Variants in CHID1 observed in about 807,000 individuals in gnomAD.
The protein encoded by CHID1 is chitinase domain containing 1.
In CHID1, 44 loss-of-function variants were observed where a neutral mutation model predicts 55.4. The observed-to-expected ratio is 0.79, with a 90% CI of 0.62 to 1.02. The LOEUF (loss-of-function observed/expected upper bound fraction) is 1.02, where lower values mean the gene tolerates loss of function less well. CHID1 is among the 50% of genes least tolerant of loss of function. The pLI is 0.00. For missense variants in CHID1, 491 were observed against 515.3 expected (o/e 0.95, Z 0.46); for synonymous variants, 216 against 212.9 (o/e 1.01, Z -0.13).
intron 7 of CHID1, among the ~76,000 whole-genome samples, chr11:896,884 A>T (rs1031954554): frequency 9.7e-6 from 1 of 103,170 alleles, no homozygotes; most frequent in Non-Finnish European, 2.0e-5. Context: ...CCCAGACACG[A>T]GCCTGTCTCA....
At chr11:897,762 T>TG (rs1851485917) in intron 7 of CHID1, among the ~76,000 whole-genome samples, 1 of 152,000 alleles carries the variant, frequency 6.6e-6, no homozygotes, top group South Asian at 2.1e-4. Flanking sequence ...ACACATCCGG[T>TG]GGGGGGCACA....
chr11:869,660 G>A lies in CHID1; in HGVS notation c.*198C>T, dbSNP rs1165876529. ...GGGTGGGAGGGGCTCGAGCTCTCAG[G>A]GTGTCCCCCAGCTAGGACTCATCCA... On this transcript the variant is annotated 3_prime_UTR_variant, in exon 13 of 13. Coordinates refer to ENST00000323578, the MANE Select transcript of CHID1 (RefSeq NM_023947.4). The A allele has an allele frequency of 1.2e-5, 7 of 600,226 alleles. No individual in the cohort carries two copies. The East Asian group carries it at 2.0e-4, about 17-fold the overall frequency. The allele number at this position is 600,226 out of a possible 1,614,324, so 37.2% of individuals were successfully genotyped here.
In CHID1 at chr11:869,248, A is replaced by G. The variant is rs1849014760; in HGVS notation, c.*610T>C. ...CAGAGCTGAGCCAAGGTCCAGGACCAGTTTCAAGAGGGTGGGCCAGGCTCC... is the reference window on the plus strand; with the variant it reads ...CAGAGCTGAGCCAAGGTCCAGGACCGGTTTCAAGAGGGTGGGCCAGGCTCC... On this transcript the variant is annotated 3_prime_UTR_variant, in exon 13 of 13. Transcript: ENST00000323578. 6.5e-6 allele frequency: 1 copy of G among 153,722 alleles called. No homozygotes were observed. The highest frequency in any genetic ancestry group is 1.4e-5 in the Non-Finnish European group (1 of 69,340). 9.5% of individuals were successfully genotyped at this position (153,722 alleles called of 1,614,324 possible). A position where few individuals can be genotyped will look rare whatever the true frequency, so the allele number is the denominator to read the frequency against.
intron 8 of CHID1, among the ~76,000 whole-genome samples, chr11:886,117 C>T (rs1850373132): frequency 1.4e-5 from 2 of 142,580 alleles, no homozygotes; most frequent in African/African-American, 2.6e-5. Flanking sequence ...TGCCACTGCA[C>T]TCCAGCCTGG....
Position 884,084 on chromosome 11 carries a change from A to G in CHID1, c.787T>C (p.Tyr263His), listed in dbSNP as rs1295292498. ...CACACTCACTGATGCGCTGTAGAGT[A>G]GTCGTAGGTCATGAGGCTGAAACCA... ...LDGFSLMTYD[Y>H]STAHQPGPNA... is the part of the protein sequence containing the mutation. Residue 263 changes from tyrosine (Y) to histidine (H), a missense_variant, in exon 9 of 13, where the codon TAC (tyrosine) becomes CAC (histidine). Tyr to His is a moderately conservative substitution (Grantham distance 83, BLOSUM62 2). Transcript: ENST00000323578. 6.2e-7 allele frequency: 1 copy of G among 1,613,876 alleles called. No homozygotes were observed. Among genetic ancestry groups the G allele is most frequent in the Non-Finnish European group, 8.5e-7 (1 of 1,179,738 alleles).
chr11:903,270 A>T (rs1851957327), intron 2 of CHID1, among the ~76,000 whole-genome samples, 159 bp from the exon 3 acceptor site: 1 of 152,244 alleles, frequency 6.6e-6, no homozygotes, highest in South Asian at 2.1e-4. Context: ...GATCGAGGCC[A>T]CAGCAGGCAA....
chr11:900,256 C>A (rs1040446585), intron 5 of CHID1, 146 bp from the exon 6 acceptor site: 15 of 645,400 alleles, frequency 2.3e-5, no homozygotes, highest in Admixed American at 1.7e-4. Context: ...CCTGGAGCAC[C>A]CACATGTCCA....
At chr11:913,560 C>T (rs1444452719), upstream of CHID1, among the ~76,000 whole-genome samples, 2 of 151,930 alleles carry the variant, frequency 1.3e-5, no homozygotes, top group Admixed American at 6.6e-5. Flanking sequence ...ATTGCCTGAG[C>T]TCAGGAGTTC....
chr11:904,974 G>T, intron 1 of CHID1, 115 bp from the exon 2 acceptor site: 1 of 1,172,152 alleles, frequency 8.5e-7, no homozygotes, highest in Non-Finnish European at 1.2e-6. Context: ...CATGGCACTG[G>T]ATGGACCCTT....
At chr11:893,597 A>C (rs1851015960) in intron 7 of CHID1, 78 bp from the exon 8 acceptor site, 1 of 1,203,990 alleles carries the variant, frequency 8.3e-7, no homozygotes, top group African/African-American at 1.5e-5. Flanking sequence ...CCGCTGCCTC[A>C]GGGAGGGGTG....
chr11:898,377 A>C (rs1436138085), intron 7 of CHID1, among the ~76,000 whole-genome samples: 1 of 152,120 alleles, frequency 6.6e-6, no homozygotes. Flanking sequence ...CCGATTCCAG[A>C]ACCCACGGCT....
chr11:912,865 A>G (rs1852778532), upstream of CHID1, among the ~76,000 whole-genome samples: 1 of 151,974 alleles, frequency 6.6e-6, no homozygotes, highest in Admixed American at 6.6e-5. Flanking sequence ...AAAGAAAAAG[A>G]AAACTGACTT....
chr11:882,241 C>G (rs1177065327), intron 10 of CHID1: 1 of 152,208 alleles, frequency 6.6e-6, no homozygotes, highest in Admixed American at 6.5e-5. Context: ...AGGAGAATGG[C>G]GTGAACCCGG....
chr11:870,346 T>G, intron 11 of CHID1, 73 bp downstream of exon 11: 12 of 1,387,726 alleles, frequency 8.6e-6, no homozygotes, highest in Non-Finnish European at 1.2e-5. Flanking sequence ...GCCCTGCTGC[T>G]CCCTCATCTC....
At chr11:880,544 G>C (rs1849840042) in intron 10 of CHID1, among the ~76,000 whole-genome samples, 1 of 152,210 alleles carries the variant, frequency 6.6e-6, no homozygotes, top group Admixed American at 6.5e-5. Context: ...CTGCCATGGA[G>C]GGGCTCACGG....
chr11:870,347 C>T, intron 11 of CHID1, 72 bp downstream of exon 11: 1 of 1,389,266 alleles, frequency 7.2e-7, no homozygotes, highest in Non-Finnish European at 1.0e-6. Context: ...CCCTGCTGCT[C>T]CCTCATCTCC....
intron 8 of CHID1, among the ~76,000 whole-genome samples, chr11:893,173 T>G (rs1850966719): frequency 6.6e-6 from 1 of 152,290 alleles, no homozygotes; most frequent in African/African-American, 2.4e-5. Context: ...CTGGCCTCTG[T>G]GACTCCCCAA....
intron 8 of CHID1, among the ~76,000 whole-genome samples, chr11:886,143 T>G (rs1589847884): frequency 1.4e-5 from 1 of 69,934 alleles, no homozygotes; most frequent in Admixed American, 2.0e-4. Flanking sequence ...AAAGCAAGAC[T>G]CCGTCTCAAA....
intron 7 of CHID1, among the ~76,000 whole-genome samples, chr11:896,017 C>T (rs1161062433): frequency 6.6e-6 from 1 of 152,056 alleles, no homozygotes; most frequent in Non-Finnish European, 1.5e-5. Flanking sequence ...CTACTGCCTC[C>T]TGCCCTCCCA....
Sources: gnomAD v4.1 joint callset for allele counts (sites outside exome capture counted in the v4.1 genomes callset) on GRCh38, gnomAD v4.1.1 for gene constraint, MANE v1.5 for transcripts, NCBI Gene and HGNC (gene_info 2026-07-23, HGNC 2026-07-21) for gene names.